Variants in MAP3K8 observed in about 807,000 individuals in gnomAD.
MAP3K8 encodes the protein Ewing sarcoma transformant.
In MAP3K8, 22 loss-of-function variants were observed where a neutral mutation model predicts 45.8. That is an observed-to-expected ratio of 0.48 (90% CI 0.34 to 0.69). MAP3K8 has a LOEUF of 0.69. MAP3K8 is among the 30% of genes least tolerant of loss of function. The pLI, the probability that MAP3K8 is intolerant of heterozygous loss-of-function variation, is 0.01. For missense variants in MAP3K8, 419 were observed against 585.0 expected (o/e 0.72, Z 2.93); for synonymous variants, 223 against 214.3 (o/e 1.04, Z -0.36).
Position 30,454,283 on chromosome 10 carries a change from G to A in MAP3K8, c.873+2539G>A, listed in dbSNP as rs76040237. 3.9e-3 allele frequency among the ~76,000 whole-genome samples: 595 copies of A among 152,260 alleles called. 6 individuals carry two copies. Among genetic ancestry groups the A allele is most frequent in the African/African-American group, 0.013 (544 of 41,534 alleles). On this transcript the variant is annotated intron_variant, in intron 6 of 8. Coordinates refer to ENST00000263056, the MANE Select transcript of MAP3K8 (RefSeq NM_005204.4). Reference sequence around the variant, plus strand: ...CCTTAGTCTAGTCTAGCTAGTATACGTGTTGCACTGAACTGGATTGCAGCC... The same window carrying A: ...CCTTAGTCTAGTCTAGCTAGTATACATGTTGCACTGAACTGGATTGCAGCC...
At position 30,458,271 on chromosome 10, in the gene MAP3K8, G is replaced by GGGC. The variant is rs1554774878; in HGVS notation, c.1026+37_1026+38insCGG. On this transcript the variant is annotated intron_variant, in intron 7 of 8. Coordinates refer to ENST00000263056, the MANE Select transcript of MAP3K8 (RefSeq NM_005204.4). ...GTTCAACCAGGGCTGGGGGCGGCGG[G>GGGC]GGGGGGCGTTGAGTTATGCATCCCG... 1.2e-5 allele frequency: 17 copies of GGGC among 1,366,946 alleles called. 2 individuals are homozygous for GGGC. Among genetic ancestry groups the GGGC allele is most frequent in the Non-Finnish European group, 1.6e-5 (16 of 1,029,222 alleles). 84.7% of individuals were successfully genotyped at this position (1,366,946 alleles called of 1,614,324 possible). A position where few individuals can be genotyped will look rare whatever the true frequency, so the allele number is the denominator to read the frequency against.
intron 1 of MAP3K8, 151 bp downstream of exon 1, chr10:30,434,529 G>T: frequency 2.0e-6 from 2 of 985,768 alleles, no homozygotes; most frequent in Non-Finnish European, 2.4e-6. Flanking sequence ...AGCTGCGCTC[G>T]CGGGTCGCCG....
At chr10:30,448,413 A>ATTTTTTATTATT (rs10641056) in intron 4 of MAP3K8, among the ~76,000 whole-genome samples, 3 of 142,134 alleles carry the variant, frequency 2.1e-5, no homozygotes, top group African/African-American at 7.8e-5. Flanking sequence ...CCTATCCCAA[A>ATTTTTTATTATT]TTTATTATTA....
Position 30,439,146 on chromosome 10 carries a change from G to T in MAP3K8, c.208G>T (p.Val70Leu). ...SKSLLLSGQE[V>L]PWLSSVRYGT... ...GTCTCTGCTGCTTAGTGGCCAAGAG[G>T]TACCATGGTTGTCATCAGTCAGATA... Residue 70 changes from valine to leucine, a missense_variant, in exon 3 of 9, where the codon GTA (valine) becomes TTA (leucine). Transcript: ENST00000263056. 6.2e-7 allele frequency: 1 copy of T among 1,614,144 alleles called. No homozygotes were observed. Among genetic ancestry groups the T allele is most frequent in the Non-Finnish European group, 8.5e-7 (1 of 1,180,026 alleles).
At chr10:30,439,447 T>A in intron 3 of MAP3K8, 173 bp downstream of exon 3, 1 of 1,243,946 alleles carries the variant, frequency 8.0e-7, no homozygotes. Context: ...AAAAAAGTCT[T>A]CATTAAAATT....
At chr10:30,455,460 T>G (rs1836700986) in intron 6 of MAP3K8, among the ~76,000 whole-genome samples, 1 of 152,232 alleles carries the variant, frequency 6.6e-6, no homozygotes, top group South Asian at 2.1e-4. Context: ...CTCTAAGCAT[T>G]GGTATTCAGA....
chr10:30,451,648 T>C lies in MAP3K8; in HGVS notation c.777T>C (p.Ile259=), dbSNP rs764843243. The C allele has an allele frequency of 5.0e-6, 8 of 1,587,324 alleles. No individual in the cohort carries two copies. Among genetic ancestry groups the C allele is most frequent in the Middle Eastern group, 1.7e-4 (1 of 5,970 alleles). The part of the protein sequence containing the change: ...VIHHDIKPSN[I]VFMSTKAVLV... ...TTCCTCTCATTTTAGCTAGCAACAT[T>C]GTTTTCATGTCCACAAAAGCTGTTT... Residue 259 remains isoleucine (I), a synonymous_variant, in exon 6 of 9, where the codon ATT becomes ATC. Transcript: ENST00000263056.
intron 3 of MAP3K8, 103 bp from the exon 4 acceptor site, chr10:30,447,679 G>C (rs1431405082): frequency 2.4e-6 from 2 of 828,672 alleles, no homozygotes; most frequent in Admixed American, 3.9e-5. Flanking sequence ...TCATAACTGT[G>C]TATCAGAATG....
intron 6 of MAP3K8, among the ~76,000 whole-genome samples, chr10:30,456,007 G>A (rs966879307): frequency 6.6e-6 from 1 of 152,144 alleles, no homozygotes; most frequent in African/African-American, 2.4e-5. Context: ...ATCCCCCCAG[G>A]CTGCCTAGGC....
intron 1 of MAP3K8, 129 bp from the exon 2 acceptor site, chr10:30,437,047 T>C: frequency 9.7e-6 from 3 of 308,378 alleles, no homozygotes; most frequent in Non-Finnish European, 1.4e-5. Flanking sequence ...ACAATCTCCC[T>C]CGAAGATGTA....
chr10:30,442,667 C>T (rs553164500), intron 3 of MAP3K8, among the ~76,000 whole-genome samples: 19 of 152,340 alleles, frequency 1.2e-4, no homozygotes, highest in Admixed American at 4.6e-4. Context: ...TTATCATCTA[C>T]GCTGATTCAT....
intron 7 of MAP3K8, 146 bp from the exon 8 acceptor site, chr10:30,459,109 G>T: frequency 1.3e-6 from 1 of 787,206 alleles, no homozygotes; most frequent in Non-Finnish European, 2.0e-6. Flanking sequence ...TTAAAGGGAA[G>T]CTTGCTTGCT....
At chr10:30,450,756 A>AT in intron 5 of MAP3K8, 1 of 504,660 alleles carries the variant, frequency 2.0e-6, no homozygotes, top group Non-Finnish European at 3.6e-6. Context: ...CTACATACCT[A>AT]TTAGGTACTG....
At chr10:30,457,748 C>T (rs992669038) in intron 6 of MAP3K8, among the ~76,000 whole-genome samples, 6 of 152,136 alleles carry the variant, frequency 3.9e-5, no homozygotes, top group African/African-American at 7.2e-5. Context: ...CGAGCTCAAG[C>T]GATTCTCCTT....
chr10:30,449,071 C>A (rs8177059), intron 4 of MAP3K8, among the ~76,000 whole-genome samples: 150 of 152,180 alleles, frequency 9.9e-4, no homozygotes, highest in Middle Eastern at 6.8e-3. Context: ...CCCAAATAGC[C>A]AGACACGAAA....
rs374373740 is a variant in MAP3K8 at position 30,459,424 on chromosome 10, A to T, written c.1196A>T (p.Gln399Leu). 2.2e-5 allele frequency: 35 copies of T among 1,614,042 alleles called. No homozygotes were observed. The highest frequency in any genetic ancestry group is 1.6e-4 in the Middle Eastern group (1 of 6,072). The change falls in exon 8 of 9, where the codon CAG becomes CTG. Residue 399 changes from glutamine (Q) to leucine (L), a missense_variant. Transcript: ENST00000263056. ...CCCAGAGAGGATCAGCCACGCTGTC[A>T]GAGTCTGGACTCTGCCCTCTTGGAG... ...NPPREDQPRC[Q>L]SLDSALLERK... is the part of the protein sequence containing the mutation.
chr10:30,457,761 C>A (rs916554069), intron 6 of MAP3K8, among the ~76,000 whole-genome samples: 5 of 152,158 alleles, frequency 3.3e-5, no homozygotes, highest in Non-Finnish European at 4.4e-5. Context: ...TTCTCCTTGC[C>A]TCAGCCTCCC....
intron 1 of MAP3K8, chr10:30,434,841 A>AACCAG (rs1280501625): frequency 1.1e-6 from 1 of 938,952 alleles, no homozygotes; most frequent in Non-Finnish European, 1.3e-6. Context: ...TGACTTAGAG[A>AACCAG]ACCAGGAGGA....
In MAP3K8 at chr10:30,461,191, G is replaced by C. The variant is rs1304833758; in HGVS notation, c.*355G>C. The C allele has an allele frequency of 4.0e-6, 1 of 247,034 alleles. No individual in the cohort carries two copies. Among genetic ancestry groups the C allele is most frequent in the Non-Finnish European group, 7.8e-6 (1 of 127,578 alleles). The allele number at this position is 247,034 out of a possible 1,614,324, so 15.3% of individuals were successfully genotyped here. A position where few individuals can be genotyped will look rare whatever the true frequency, so the allele number is the denominator to read the frequency against. ...GAGTAGCCTAAAATTACTATTCTTG[G>C]TTCTTATTTAAGTATGGAATATTCA... On this transcript the variant is annotated 3_prime_UTR_variant, in exon 9 of 9. Transcript: ENST00000263056.
Sources: gnomAD v4.1 joint callset for allele counts (sites outside exome capture counted in the v4.1 genomes callset) on GRCh38, gnomAD v4.1.1 for gene constraint, MANE v1.5 for transcripts, NCBI Gene and HGNC (gene_info 2026-07-23, HGNC 2026-07-21) for gene names.